Variants in FAM135B observed in about 807,000 individuals in gnomAD.
FAM135B encodes family with sequence similarity 135 member B.
Under a neutral mutation model 127.7 loss-of-function variants are expected in FAM135B, and 43 were observed. The ratio of observed to expected loss-of-function variants is 0.34; its 90% confidence interval spans 0.26 to 0.43. The LOEUF is 0.43. FAM135B is among the 20% of genes least tolerant of loss of function. The pLI, the probability that FAM135B is intolerant of heterozygous loss-of-function variation, is 1.00. For synonymous variants in FAM135B, 670 were observed against 665.1 expected, an observed-to-expected ratio of 1.01 and a Z score of -0.11; for missense variants, 1,558 against 1,725.6, an observed-to-expected ratio of 0.90 and a Z score of 1.72.
intron 1 of FAM135B, among the ~76,000 whole-genome samples, chr8:138,402,484 C>T (rs1380296553): frequency 6.6e-6 from 1 of 152,086 alleles, no homozygotes; most frequent in Non-Finnish European, 1.5e-5. Context: ...ATGTCTGCAC[C>T]CTCAAATAAC....
At chr8:138,195,719 T>C (rs1181149184) in intron 8 of FAM135B, among the ~76,000 whole-genome samples, 6 of 152,218 alleles carry the variant, frequency 3.9e-5, no homozygotes, top group Non-Finnish European at 8.8e-5. Context: ...TTTGAATCTC[T>C]ATCTTACAGA....
At chr8:138,389,007 A>G (rs1450978992) in intron 1 of FAM135B, among the ~76,000 whole-genome samples, 1 of 152,168 alleles carries the variant, frequency 6.6e-6, no homozygotes, top group Non-Finnish European at 1.5e-5. Context: ...GTCAGGGGGT[A>G]AATGGGAAAT....
At chr8:138,468,437 C>G (rs1007224893) in intron 1 of FAM135B, among the ~76,000 whole-genome samples, 17 of 152,122 alleles carry the variant, frequency 1.1e-4, no homozygotes, top group Non-Finnish European at 2.1e-4. Flanking sequence ...CTTGTGTCTC[C>G]CAATCCCAAG....
In FAM135B at chr8:138,306,643, C is replaced by T. The variant is rs373092103; in HGVS notation, c.157+4198G>A. Among the ~76,000 whole-genome samples the T allele has an allele frequency of 6.7e-5, 10 of 150,018 alleles. No homozygotes were observed. The East Asian group carries it at 1.0e-3, about 15-fold the overall frequency. ...TGTCACCCAGGCTGGAGAGCAGTGGCGCGATCTCTGCTCACTGCAACCTCT... is the reference window on the plus strand; with the variant it reads ...TGTCACCCAGGCTGGAGAGCAGTGGTGCGATCTCTGCTCACTGCAACCTCT... On this transcript the variant is annotated intron_variant, in intron 3 of 19. Transcript: ENST00000395297.
At chr8:138,256,798 A>T in intron 4 of FAM135B, 39 bp from the exon 5 acceptor site, 1 of 1,531,178 alleles carries the variant, frequency 6.5e-7, no homozygotes, top group Non-Finnish European at 9.0e-7. Flanking sequence ...TCAGGAGTCA[A>T]ATCTTGTCCA....
At chr8:138,369,883 T>C (rs2131228408) in intron 1 of FAM135B, among the ~76,000 whole-genome samples, 1 of 152,306 alleles carries the variant, frequency 6.6e-6, no homozygotes. Flanking sequence ...ACTCCTTTCT[T>C]GGGGTTGTCG....
intron 3 of FAM135B, among the ~76,000 whole-genome samples, chr8:138,281,612 C>T (rs371718844): frequency 1.3e-5 from 2 of 152,028 alleles, no homozygotes; most frequent in African/African-American, 4.8e-5. Flanking sequence ...CTCCCTTGGC[C>T]GCCGTGAAAT....
intron 12 of FAM135B, among the ~76,000 whole-genome samples, chr8:138,156,497 C>T (rs559916644): frequency 4.9e-5 from 7 of 142,090 alleles, no homozygotes; most frequent in South Asian, 2.4e-4. Flanking sequence ...AAAAAATCAA[C>T]GAATCCAGGA....
At chr8:138,448,552 C>T (rs916760543) in intron 1 of FAM135B, among the ~76,000 whole-genome samples, 5 of 151,986 alleles carry the variant, frequency 3.3e-5, no homozygotes, top group Admixed American at 2.6e-4. Context: ...ACTGAAATAT[C>T]GGCTCTTCCT....
chr8:138,471,262 G>C (rs1478719064), intron 1 of FAM135B, among the ~76,000 whole-genome samples: 2 of 152,004 alleles, frequency 1.3e-5, no homozygotes, highest in African/African-American at 4.8e-5. Flanking sequence ...AAGCCTTGTG[G>C]GGTTCCTAGG....
chr8:138,306,556 T>C (rs928794014), intron 3 of FAM135B, among the ~76,000 whole-genome samples: 1 of 149,788 alleles, frequency 6.7e-6, no homozygotes, highest in Non-Finnish European at 1.5e-5. Context: ...GCAGCAATAA[T>C]ACAAAAAGCC....
chr8:138,422,994 C>T (rs1157712867), intron 1 of FAM135B, among the ~76,000 whole-genome samples: 1 of 152,122 alleles, frequency 6.6e-6, no homozygotes, highest in Non-Finnish European at 1.5e-5. Flanking sequence ...AGGCCATTAT[C>T]CTAAGCAAAT....
intron 1 of FAM135B, among the ~76,000 whole-genome samples, chr8:138,415,255 C>G (rs770146885): frequency 7.2e-5 from 11 of 152,142 alleles, no homozygotes; most frequent in Non-Finnish European, 1.3e-4. Context: ...CTACAAAAAA[C>G]AGCTCCATTT....
At chr8:138,156,770 A>G (rs915418322) in intron 12 of FAM135B, among the ~76,000 whole-genome samples, 1 of 152,214 alleles carries the variant, frequency 6.6e-6, no homozygotes, top group African/African-American at 2.4e-5. Context: ...CTCTGAATAG[A>G]TCAATAACAG....
intron 2 of FAM135B, among the ~76,000 whole-genome samples, chr8:138,316,033 A>C (rs996186514): frequency 6.6e-6 from 1 of 152,184 alleles, no homozygotes; most frequent in Non-Finnish European, 1.5e-5. Flanking sequence ...ACCACAGAAA[A>C]ATTTAAAATA....
intron 7 of FAM135B, among the ~76,000 whole-genome samples, chr8:138,201,538 G>A (rs1285290671): frequency 2.0e-5 from 3 of 152,132 alleles, no homozygotes; most frequent in South Asian, 4.1e-4. Flanking sequence ...GAAGCTGTGC[G>A]ATATACTGCA....
chr8:138,437,990 C>T (rs944625063), intron 1 of FAM135B: 3 of 152,182 alleles, frequency 2.0e-5, no homozygotes, highest in Non-Finnish European at 4.4e-5. Context: ...CAGAACATCT[C>T]TATTTGATTA....
chr8:138,459,497 T>G (rs1837000422), intron 1 of FAM135B: 1 of 152,170 alleles, frequency 6.6e-6, no homozygotes, highest in African/African-American at 2.4e-5. Context: ...ACCATGAAGC[T>G]CTCTAATGCC....
chr8:138,148,663 A>C lies in FAM135B; in HGVS notation c.3305T>G (p.Phe1102Cys). The C allele has an allele frequency of 6.2e-7, 1 of 1,606,784 alleles. No homozygotes were observed. Among genetic ancestry groups the C allele is most frequent in the South Asian group, 1.1e-5 (1 of 89,552 alleles). The part of the protein sequence containing the change: ...MFSFYQAKEK[F>C]KKELKIEGFL... ...TCCTTCAATCTTCAGTTCTTTTTTAAATTTTTCTTTGGCCTGATAAAAACT... is the reference window on the plus strand; with the variant it reads ...TCCTTCAATCTTCAGTTCTTTTTTACATTTTTCTTTGGCCTGATAAAAACT... Residue 1102 changes from phenylalanine to cysteine, a missense_variant, in exon 14 of 20, where the codon TTT becomes TGT. Physicochemically the swap from Phe to Cys is radical, Grantham distance 205. This residue lies in a region of FAM135B where 923 missense variants were observed against 865.3 expected (regional missense o/e 1.07). Coordinates refer to ENST00000395297, the MANE Select transcript of FAM135B (RefSeq NM_015912.4).
Sources: allele counts gnomAD v4.1 joint callset (sites outside exome capture counted in the v4.1 genomes callset), GRCh38; gene constraint gnomAD v4.1.1; regional missense constraint gnomAD v4.1.1; transcripts MANE v1.5; gene names NCBI Gene and HGNC (gene_info 2026-07-23, HGNC 2026-07-21).